The following DAPK2 variants were observed in gnomAD, a reference collection of about 807,000 sequenced individuals.
DAPK2 encodes the protein death associated protein kinase 2.
Under a neutral mutation model 44.1 loss-of-function variants are expected in DAPK2, and 35 were observed. The ratio of observed to expected loss-of-function variants is 0.79; its 90% CI spans 0.61 to 1.05. DAPK2 has a LOEUF of 1.05. Ranked by LOEUF, DAPK2 falls within the 50% of genes least tolerant of loss-of-function variation. DAPK2 has a pLI of 0.00. For missense variants in DAPK2, 453 were observed against 483.2 expected (o/e 0.94, Z 0.59); for synonymous variants, 174 against 182.6 (o/e 0.95, Z 0.38).
chr15:63,932,499 C>T (rs1344051181), intron 4 of DAPK2: 3 of 138,020 alleles, frequency 2.2e-5, no homozygotes, highest in Admixed American at 2.2e-4. Flanking sequence ...AAAGAAGCTA[C>T]AAAGAAGTAG....
intron 8 of DAPK2, among the ~76,000 whole-genome samples, chr15:63,915,041 T>G (rs2078891400): frequency 6.6e-6 from 1 of 152,222 alleles, no homozygotes; most frequent in African/African-American, 2.4e-5. Flanking sequence ...TAAAATGGTG[T>G]GGTATTTGCA....
intron 6 of DAPK2, among the ~76,000 whole-genome samples, chr15:63,927,903 C>T (rs1041297270): frequency 5.9e-5 from 9 of 152,248 alleles, no homozygotes; most frequent in Non-Finnish European, 1.2e-4. Flanking sequence ...TGCCACCACA[C>T]CTAGCTAGTT....
intron 1 of DAPK2, among the ~76,000 whole-genome samples, chr15:64,033,286 GGGGAAGGA>G (rs1567287483): frequency 0.023 from 2,202 of 97,862 alleles, 50 homozygotes; most frequent in African/African-American, 0.043. Context: ...AAGGGGGAAG[GGGGAAGGA>G]AGGAAGGAAG....
chr15:63,940,216 C>T (rs2077270338), intron 3 of DAPK2, among the ~76,000 whole-genome samples: 1 of 152,208 alleles, frequency 6.6e-6, no homozygotes. Flanking sequence ...CTTCACTCCA[C>T]TCTAAAGGAA....
intron 1 of DAPK2, among the ~76,000 whole-genome samples, chr15:64,022,039 G>A (rs778502616): frequency 6.6e-5 from 10 of 152,166 alleles, no homozygotes; most frequent in Non-Finnish European, 1.2e-4. Flanking sequence ...TGGCCTAGAC[G>A]TTGGTCTGGA....
chr15:64,017,317 C>G (rs2079557803), intron 1 of DAPK2, among the ~76,000 whole-genome samples: 1 of 152,166 alleles, frequency 6.6e-6, no homozygotes, highest in Admixed American at 6.5e-5. Flanking sequence ...GTCTATCTAC[C>G]CTGCTGCCTC....
chr15:63,910,255 G>A (rs2078753328), intron 10 of DAPK2, among the ~76,000 whole-genome samples: 1 of 152,222 alleles, frequency 6.6e-6, no homozygotes, highest in Non-Finnish European at 1.5e-5. Context: ...CTCAAGTGCT[G>A]GCAAGAGATC....
chr15:63,983,089 G>T (rs2140856775), intron 2 of DAPK2, among the ~76,000 whole-genome samples: 1 of 152,276 alleles, frequency 6.6e-6, no homozygotes, highest in East Asian at 1.9e-4. Flanking sequence ...GAAAGGGCTG[G>T]AGAAGGGCTT....
chr15:63,949,325 G>A (rs558942789), intron 3 of DAPK2, among the ~76,000 whole-genome samples: 1 of 152,366 alleles, frequency 6.6e-6, no homozygotes, highest in African/African-American at 2.4e-5. Flanking sequence ...TCATGGGATA[G>A]AGGGAGAGAA....
chr15:64,043,093 C>T (rs767115330), upstream of DAPK2, among the ~76,000 whole-genome samples: 3 of 152,190 alleles, frequency 2.0e-5, no homozygotes, highest in Non-Finnish European at 4.4e-5. Context: ...CTTAGCTGAG[C>T]ACAGGATAAC....
chr15:63,911,953 G>C (rs767997898), exon 10 of DAPK2: 24 of 1,613,922 alleles, frequency 1.5e-5, no homozygotes, highest in Non-Finnish European at 1.9e-5. Flanking sequence ...TCAGCGAGCG[G>C]GTGAGGTGGT....
At position 63,947,036 on chromosome 15, in the gene DAPK2, C is replaced by CT. The variant is rs776085281; in HGVS notation, c.454-7676dup. Among the ~76,000 whole-genome samples, 5 of 146,456 alleles carry CT rather than the reference C, an allele frequency of 3.4e-5. No homozygotes were observed. In the East Asian group the frequency reaches 1.0e-3, roughly 30 times the overall value. On this transcript the variant is annotated intron_variant, in intron 3 of 10. Coordinates refer to ENST00000261891, the Ensembl canonical transcript of DAPK2. ...TGTGGCCCATGCCCAATACGTGCCT[C>CT]TGTGTGGCATTCAAGGCCCTGCTTC...
In DAPK2 at chr15:63,966,837, CTG is replaced by C. The variant is rs1244767442; in HGVS notation, c.453+4584_453+4585del. Among the ~76,000 whole-genome samples the C allele has an allele frequency of 2.0e-5, 3 of 152,174 alleles. No homozygotes were observed. Among genetic ancestry groups the C allele is most frequent in the African/African-American group, 7.2e-5 (3 of 41,436 alleles). On this transcript the variant is annotated intron_variant, in intron 3 of 10. Transcript: ENST00000261891. This position sits in a 1 kb window ranked among gnomAD's most constrained non-coding sequence, Gnocchi z 5.5. The stretch of plus-strand genomic sequence containing the variant: ...AAGGGGTGGTATAGGTGATTCAAGA[CTG>C]TCTTTCCTACCCTCTTCAGTGCCTC...
intron 1 of DAPK2, among the ~76,000 whole-genome samples, chr15:64,036,346 T>TAC (rs2080210959): frequency 7.5e-6 from 1 of 133,764 alleles, no homozygotes; most frequent in Non-Finnish European, 1.6e-5. Flanking sequence ...TACATATATA[T>TAC]ATATATATTT....
At chr15:64,017,238 A>G (rs925400557) in intron 1 of DAPK2, among the ~76,000 whole-genome samples, 1 of 152,220 alleles carries the variant, frequency 6.6e-6, no homozygotes, top group Non-Finnish European at 1.5e-5. Context: ...TAATGAATAC[A>G]TGATGTTGAG....
At chr15:63,999,124 C>T (rs1376540221) in intron 1 of DAPK2, among the ~76,000 whole-genome samples, 1 of 152,202 alleles carries the variant, frequency 6.6e-6, no homozygotes, top group East Asian at 1.9e-4. Flanking sequence ...GCTGGAAACT[C>T]GCCCATTCAC....
At chr15:63,924,968 C>T in intron 7 of DAPK2, 107 bp from the exon 9 acceptor site, 2 of 1,230,332 alleles carry the variant, frequency 1.6e-6, no homozygotes, top group Non-Finnish European at 2.3e-6. Context: ...TATTTGGCCA[C>T]TGCCGTCAAA....
chr15:64,039,353 C>G (rs771613408), intron 1 of DAPK2, among the ~76,000 whole-genome samples: 6 of 152,186 alleles, frequency 3.9e-5, no homozygotes, highest in Non-Finnish European at 7.3e-5. Context: ...TGTGCAGGTG[C>G]AAAATGGACT....
At chr15:63,922,518 C>T in intron 8 of DAPK2, 1 of 1,350,516 alleles carries the variant, frequency 7.4e-7, no homozygotes, top group East Asian at 2.8e-5. Context: ...CTTGGCTGCC[C>T]TGCCAGAGCC....
Sources: allele counts gnomAD v4.1 joint callset (sites outside exome capture counted in the v4.1 genomes callset), GRCh38; gene constraint gnomAD v4.1.1; non-coding constraint Gnocchi (gnomAD v3.1); transcripts MANE v1.5; gene names NCBI Gene and HGNC (gene_info 2026-07-23, HGNC 2026-07-21).